Variants in HHAT observed in about 807,000 individuals in gnomAD.
HHAT encodes protein-cysteine N-palmitoyltransferase HHAT.
A neutral mutation model predicts 70.8 loss-of-function variants in HHAT; 47 were observed. The ratio of observed to expected loss-of-function variants is 0.66; its 90% CI spans 0.53 to 0.85. The LOEUF is 0.85. Ranked by LOEUF, HHAT falls within the 40% of genes least tolerant of loss-of-function variation. The pLI is 0.00. For synonymous variants in HHAT, 228 were observed against 247.6 expected (o/e 0.92, Z 0.74); for missense variants, 609 against 604.8 (o/e 1.01, Z -0.07).
intron 4 of HHAT, among the ~76,000 whole-genome samples, chr1:210,396,988 A>G (rs1001253677): frequency 6.6e-6 from 1 of 152,242 alleles, no homozygotes; most frequent in Non-Finnish European, 1.5e-5. Flanking sequence ...TACCAAACCT[A>G]TACATGTGAT....
chr1:210,489,839 A>G (rs2094524948), intron 8 of HHAT, among the ~76,000 whole-genome samples: 1 of 152,100 alleles, frequency 6.6e-6, no homozygotes, highest in Admixed American at 6.5e-5. Flanking sequence ...TGCTCACCCT[A>G]TATCACTTCC....
At chr1:210,360,665 A>G (rs977085409) in intron 2 of HHAT, among the ~76,000 whole-genome samples, 1 of 152,080 alleles carries the variant, frequency 6.6e-6, no homozygotes, top group Non-Finnish European at 1.5e-5. Context: ...CGTGGGCCAC[A>G]TCTGGATAGG....
rs115182881 is a variant in HHAT, at chr1:210,349,982, G to A, written c.91+916G>A. Among the ~76,000 whole-genome samples the A allele has an allele frequency of 6.8e-3, 1,031 of 152,212 alleles. 6 individuals carry two copies. The highest frequency in any genetic ancestry group is 0.024 in the African/African-American group (1,002 of 41,522). Reference sequence around the variant, plus strand: ...ACTACAGGAGTGCACCACCATGCCTGGCTTTAAAACTACTTTTAAAAAATA... The same window carrying A: ...ACTACAGGAGTGCACCACCATGCCTAGCTTTAAAACTACTTTTAAAAAATA... On this transcript the variant is annotated intron_variant, in intron 2 of 11. Coordinates refer to ENST00000261458, the MANE Select transcript of HHAT (RefSeq NM_018194.6).
In HHAT at chr1:210,328,965, C is replaced by G. The variant is rs1013785870; in HGVS notation, c.-183C>G. On this transcript the variant is annotated 5_prime_UTR_variant, in exon 1 of 12. Coordinates refer to ENST00000261458, the MANE Select transcript of HHAT (RefSeq NM_018194.6). ...GCGCTGCTCCTCCAAAGGGCAGCTC[C>G]GGGGGAAAGAGGGTGGCGTCCCGGG... The G allele has an allele frequency of 1.5e-6, 2 of 1,291,820 alleles. No homozygotes were observed. Among genetic ancestry groups the G allele is most frequent in the Non-Finnish European group, 2.0e-6 (2 of 1,006,784 alleles). 80.0% of individuals were successfully genotyped at this position (1,291,820 alleles called of 1,614,324 possible).
intron 11 of HHAT, among the ~76,000 whole-genome samples, chr1:210,653,933 T>A (rs141633490): frequency 2.8e-3 from 2 of 710 alleles, no homozygotes; most frequent in African/African-American, 5.6e-3. Flanking sequence ...AATACTGTGA[T>A]GGGAATAGTG....
intron 8 of HHAT, among the ~76,000 whole-genome samples, chr1:210,503,415 C>G (rs1401484781): frequency 6.6e-6 from 1 of 152,170 alleles, no homozygotes; most frequent in Non-Finnish European, 1.5e-5. Flanking sequence ...ACAAGCAAAA[C>G]CAACAAATGC....
intron 11 of HHAT, among the ~76,000 whole-genome samples, chr1:210,636,554 T>G (rs1671901944): frequency 6.6e-6 from 1 of 152,250 alleles, no homozygotes; most frequent in South Asian, 2.1e-4. Flanking sequence ...TGGTTCTCAT[T>G]TTCTCTTAGA....
intron 9 of HHAT, among the ~76,000 whole-genome samples, chr1:210,575,649 T>C (rs1657555177): frequency 6.6e-6 from 1 of 152,180 alleles, no homozygotes; most frequent in Admixed American, 6.5e-5. Context: ...GAGAGCTAGT[T>C]TTGATGCATG....
chr1:210,478,326 A>G (rs1229244097), intron 8 of HHAT, among the ~76,000 whole-genome samples: 1 of 152,222 alleles, frequency 6.6e-6, no homozygotes, highest in Non-Finnish European at 1.5e-5. Context: ...ATCATGATCA[A>G]CTAAAATGTG....
intron 8 of HHAT, among the ~76,000 whole-genome samples, chr1:210,474,973 C>T (rs1213887340): frequency 6.6e-6 from 1 of 152,004 alleles, no homozygotes; most frequent in African/African-American, 2.4e-5. Context: ...GCCTCAGTCC[C>T]CCAAGTAGTT....
intron 9 of HHAT, among the ~76,000 whole-genome samples, chr1:210,571,328 C>T (rs562371563): frequency 9.2e-5 from 14 of 152,144 alleles, no homozygotes; most frequent in Non-Finnish European, 1.6e-4. Flanking sequence ...GGCATGCGGG[C>T]GCTTGGAGGG....
At chr1:210,378,666 T>C (rs1444316287) in intron 3 of HHAT, among the ~76,000 whole-genome samples, 1 of 146,878 alleles carries the variant, frequency 6.8e-6, no homozygotes, top group Non-Finnish European at 1.5e-5. Flanking sequence ...AACATTTATC[T>C]TTTTTTTTTG....
At chr1:210,420,713 T>G (rs1234824138) in intron 7 of HHAT, among the ~76,000 whole-genome samples, 5 of 151,592 alleles carry the variant, frequency 3.3e-5, no homozygotes, top group African/African-American at 4.8e-5. Flanking sequence ...GCATTACAGG[T>G]GTGTGCATGA....
intron 7 of HHAT, among the ~76,000 whole-genome samples, chr1:210,445,608 G>A (rs2093619740): frequency 6.6e-6 from 1 of 152,102 alleles, no homozygotes; most frequent in Non-Finnish European, 1.5e-5. Context: ...GATTTCCTCA[G>A]GGTAATTTCC....
chr1:210,572,558 G>T (rs1311691942), intron 9 of HHAT, among the ~76,000 whole-genome samples: 1 of 152,148 alleles, frequency 6.6e-6, no homozygotes, highest in Non-Finnish European at 1.5e-5. Context: ...CTAGGAAACA[G>T]TTTGTTACCT....
At position 210,595,978 on chromosome 1, in the gene HHAT, T is replaced by C. The variant is rs151280618; in HGVS notation, c.1245+7879T>C. 8.3e-3 allele frequency among the ~76,000 whole-genome samples: 1,258 copies of C among 152,328 alleles called. 14 individuals are homozygous for C. Among genetic ancestry groups the C allele is most frequent in the Non-Finnish European group, 0.013 (905 of 68,020 alleles). On this transcript the variant is annotated intron_variant, in intron 10 of 11. Transcript: ENST00000261458. ...GCAGAAGCTCTTGAGTTTAATTAGA[T>C]CCCATTTGTCAATTTTGGCTTTTGT...
chr1:210,357,414 C>T (rs1026502086), intron 2 of HHAT, among the ~76,000 whole-genome samples: 1 of 152,230 alleles, frequency 6.6e-6, no homozygotes, highest in Non-Finnish European at 1.5e-5. Flanking sequence ...AAGGATCACA[C>T]AGAAGAAATA....
chr1:210,432,002 T>G (rs894535989), intron 7 of HHAT, among the ~76,000 whole-genome samples: 3 of 151,910 alleles, frequency 2.0e-5, no homozygotes, highest in African/African-American at 7.3e-5. Flanking sequence ...AATATCCCAT[T>G]TTGCAGTCCT....
chr1:210,528,951 G>A (rs1226869717), intron 9 of HHAT, among the ~76,000 whole-genome samples: 2 of 152,178 alleles, frequency 1.3e-5, no homozygotes, highest in Non-Finnish European at 1.5e-5. Context: ...GAACCTTGGG[G>A]ATAGTTTCAA....
Sources: gnomAD v4.1 joint callset for allele counts (sites outside exome capture counted in the v4.1 genomes callset) on GRCh38, gnomAD v4.1.1 for gene constraint, MANE v1.5 for transcripts, NCBI Gene and HGNC (gene_info 2026-07-23, HGNC 2026-07-21) for gene names.